The following NBAS variants were observed in gnomAD, a reference collection of about 807,000 sequenced individuals.
NBAS encodes the protein NBAS subunit of NRZ tethering complex, also known as NAG/BC035112 fusion.
In NBAS, 219 loss-of-function variants were observed where a neutral mutation model predicts 302.5. That is an observed-to-expected ratio of 0.72 (90% CI 0.65 to 0.81). The LOEUF is 0.81. NBAS is among the 30% of genes least tolerant of loss of function. The probability of loss-of-function intolerance (pLI) is 0.00; values close to 1 mark genes in which losing one functional copy is unlikely to be tolerated. For missense variants in NBAS, 2,932 were observed against 2,841.6 expected, an observed-to-expected ratio of 1.03 and a Z score of -0.72; for synonymous variants, 1,118 against 1,021.6, an observed-to-expected ratio of 1.09 and a Z score of -1.80.
the NBAS span, among the ~76,000 whole-genome samples, chr2:14,944,009 A>G: frequency 6.6e-6 from 1 of 152,114 alleles, no homozygotes; most frequent in African/African-American, 2.4e-5. Flanking sequence ...AAAAAAAACT[A>G]CTAATCCCTG....
At chr2:14,951,577 T>C in the NBAS span, among the ~76,000 whole-genome samples, 1 of 152,204 alleles carries the variant, frequency 6.6e-6, no homozygotes, top group African/African-American at 2.4e-5. Context: ...CTCACTCACC[T>C]ATGCATTTAA....
rs763252276 is a variant in NBAS at position 15,513,879 on chromosome 2, G to A, written c.747-2529C>T. 9.9e-5 allele frequency among the ~76,000 whole-genome samples: 15 copies of A among 151,906 alleles called. 1 individual carries two copies. The East Asian group carries it at 2.5e-3, about 25-fold the overall frequency. ...TAGGTACCTACAGTCTCAGCTACTC[G>A]GGAGGATGAGGTGGGAGAATCGCTT... On this transcript the variant is annotated intron_variant, in intron 9 of 51. Coordinates refer to ENST00000281513, the MANE Select transcript of NBAS (RefSeq NM_015909.4).
At chr2:15,152,851 C>G in the NBAS span, among the ~76,000 whole-genome samples, 1 of 152,212 alleles carries the variant, frequency 6.6e-6, no homozygotes, top group South Asian at 2.1e-4. Flanking sequence ...AGTCAGTAGA[C>G]AACTGAGGGT....
At chr2:15,242,424 G>A (rs977884194) in intron 44 of NBAS, among the ~76,000 whole-genome samples, 1 of 152,140 alleles carries the variant, frequency 6.6e-6, no homozygotes, top group Non-Finnish European at 1.5e-5. Context: ...TTAAAAATAT[G>A]TAAGGTGTTT....
At chr2:15,147,143 C>T in the NBAS span, among the ~76,000 whole-genome samples, 95 of 152,196 alleles carry the variant, frequency 6.2e-4, no homozygotes, top group East Asian at 0.013. Context: ...AGACCTGAGA[C>T]GGGTAGGGAA....
chr2:15,441,077 AT>A (rs1269045789), intron 21 of NBAS, among the ~76,000 whole-genome samples: 1 of 152,242 alleles, frequency 6.6e-6, no homozygotes, highest in African/African-American at 2.4e-5. Context: ...GTTGGAAAAC[AT>A]TCTGCAGGAT....
chr2:15,250,138 G>A (rs1214161937), intron 44 of NBAS, among the ~76,000 whole-genome samples: 1 of 152,160 alleles, frequency 6.6e-6, no homozygotes, highest in Non-Finnish European at 1.5e-5. Flanking sequence ...GAACAAAACA[G>A]AGGCCTCAGA....
At position 15,222,662 on chromosome 2, in the gene NBAS, G is replaced by T. The variant is rs1034106572; in HGVS notation, c.6237-3694C>A. Among the ~76,000 whole-genome samples the T allele has an allele frequency of 4.6e-5, 7 of 152,160 alleles. No individual in the cohort carries two copies. In the South Asian group the frequency reaches 1.2e-3, roughly 27 times the overall value. Reference sequence around the variant, plus strand: ...TTGACTATGGCATTTTGAGCTGAATGATATTAAAATTTTAAAAAAGATAAA... The same window carrying T: ...TTGACTATGGCATTTTGAGCTGAATTATATTAAAATTTTAAAAAAGATAAA... On this transcript the variant is annotated intron_variant, in intron 47 of 51. Transcript: ENST00000281513.
the NBAS span, among the ~76,000 whole-genome samples, chr2:14,885,641 C>T: frequency 6.6e-6 from 1 of 151,986 alleles, no homozygotes; most frequent in African/African-American, 2.4e-5. Context: ...GAGAGATTTT[C>T]AATAGGGAAG....
the NBAS span, among the ~76,000 whole-genome samples, chr2:15,055,832 C>T: frequency 0.32 from 48,942 of 151,998 alleles, 8,321 homozygotes; most frequent in African/African-American, 0.43. Context: ...TGGATTAGAA[C>T]TACATATATT....
At chr2:15,535,239 A>G (rs1558420056) in intron 8 of NBAS, among the ~76,000 whole-genome samples, 1 of 152,174 alleles carries the variant, frequency 6.6e-6, no homozygotes, top group Non-Finnish European at 1.5e-5. Context: ...ATGGCATAGT[A>G]GGCCAGGCGC....
the NBAS span, among the ~76,000 whole-genome samples, chr2:14,889,000 G>C: frequency 6.6e-6 from 1 of 152,118 alleles, no homozygotes; most frequent in African/African-American, 2.4e-5. Context: ...TCCTCTGTTC[G>C]GAACTCCCTT....
chr2:14,996,076 A>C, the NBAS span, among the ~76,000 whole-genome samples: 2 of 152,202 alleles, frequency 1.3e-5, no homozygotes, highest in Non-Finnish European at 2.9e-5. Context: ...TGAGGTTAAA[A>C]ACAGGTAACA....
intron 11 of NBAS, among the ~76,000 whole-genome samples, chr2:15,503,028 G>A (rs1399879814): frequency 1.3e-5 from 2 of 151,578 alleles, no homozygotes; most frequent in African/African-American, 2.4e-5. Flanking sequence ...ACACATTTTT[G>A]TTAAAAACTA....
At chr2:15,172,537 A>C (rs1213894940) in intron 51 of NBAS, among the ~76,000 whole-genome samples, 1 of 152,188 alleles carries the variant, frequency 6.6e-6, no homozygotes, top group Non-Finnish European at 1.5e-5. Flanking sequence ...AAAACTCAGA[A>C]CTTACAATTC....
At chr2:15,144,065 A>ATC in the NBAS span, among the ~76,000 whole-genome samples, 5 of 121,672 alleles carry the variant, frequency 4.1e-5, no homozygotes, top group Non-Finnish European at 6.4e-5. Flanking sequence ...ATATATATAT[A>ATC]TATCTCCCAT....
At chr2:14,784,303 C>T in the NBAS span, among the ~76,000 whole-genome samples, 1 of 152,158 alleles carries the variant, frequency 6.6e-6, no homozygotes, top group African/African-American at 2.4e-5. Context: ...TTTTGCTGTG[C>T]AGAAGCTCTT....
chr2:14,888,000 T>C, the NBAS span, among the ~76,000 whole-genome samples: 2 of 152,176 alleles, frequency 1.3e-5, no homozygotes, highest in Admixed American at 6.5e-5. Context: ...GATTTGTACA[T>C]AAGGTGGTTG....
the NBAS span, among the ~76,000 whole-genome samples, chr2:15,062,161 T>A: frequency 6.6e-6 from 1 of 152,212 alleles, no homozygotes; most frequent in African/African-American, 2.4e-5. Flanking sequence ...AAAAGAAAGC[T>A]GTGTTACTGC....
Sources: gnomAD v4.1 joint callset for allele counts (sites outside exome capture counted in the v4.1 genomes callset) on GRCh38, gnomAD v4.1.1 for gene constraint, MANE v1.5 for transcripts, NCBI Gene and HGNC (gene_info 2026-07-23, HGNC 2026-07-21) for gene names.